ZFP82: variants seen among roughly 807,000 people sequenced by gnomAD.
ZFP82 encodes zinc finger protein 82 homolog.
A neutral mutation model predicts 54.0 loss-of-function variants in ZFP82; 30 were observed. The ratio of observed to expected loss-of-function variants is 0.56; its 90% CI spans 0.42 to 0.75. ZFP82 has a LOEUF of 0.75. ZFP82 is among the 30% of genes least tolerant of loss of function. ZFP82 has a pLI of 0.00. For synonymous variants in ZFP82, 194 were observed against 209.5 expected, an observed-to-expected ratio of 0.93 and a Z score of 0.64; for missense variants, 500 against 636.8, an observed-to-expected ratio of 0.79 and a Z score of 2.31.
At chr19:36,401,883 G>A (rs2032390536) in intron 4 of ZFP82, among the ~76,000 whole-genome samples, 2 of 152,058 alleles carry the variant, frequency 1.3e-5, no homozygotes, top group Admixed American at 1.3e-4. Context: ...GACATGTCTT[G>A]AGCCCTTACT....
chr19:36,385,003 G>A (rs1398499010), downstream of ZFP82, among the ~76,000 whole-genome samples: 1 of 152,136 alleles, frequency 6.6e-6, no homozygotes, highest in East Asian at 1.9e-4. Context: ...CTTTTATTTT[G>A]TGGAAGGTGC....
In ZFP82 at chr19:36,393,077, G is replaced by A. The variant is rs61741561; in HGVS notation, c.1263C>T (p.Pro421=). ...CCTTCCCGCATTCCTTACAGTCATA[G>A]GGCTTAACACCAATATGAATACTCT... ...SHQSIHIGVK[P]YDCKECGKAF... is the part of the protein sequence containing the mutation. Residue 421 remains proline (P), a synonymous_variant, in exon 5 of 5, where the codon CCC becomes CCT. Coordinates refer to ENST00000392161, the MANE Select transcript of ZFP82 (RefSeq NM_133466.4). 944 of 1,614,038 alleles carry A rather than the reference G, an allele frequency of 5.8e-4. 6 individuals are homozygous for A. In the African/African-American group the frequency reaches 0.011, roughly 19 times the overall value.
At chr19:36,405,016 T>C (rs1176791440) in intron 4 of ZFP82, among the ~76,000 whole-genome samples, 1 of 151,848 alleles carries the variant, frequency 6.6e-6, no homozygotes, top group African/African-American at 2.4e-5. Flanking sequence ...AAACCCCGTC[T>C]CTACTAAAAA....
intron 3 of ZFP82, among the ~76,000 whole-genome samples, chr19:36,406,851 CAAT>C (rs2032490292): frequency 6.6e-6 from 1 of 152,044 alleles, no homozygotes; most frequent in Non-Finnish European, 1.5e-5. Flanking sequence ...TTATAGGCTA[CAAT>C]GTGATGTTTT....
chr19:36,402,904 T>C (rs918247280), intron 4 of ZFP82, among the ~76,000 whole-genome samples: 10 of 151,372 alleles, frequency 6.6e-5, no homozygotes, highest in African/African-American at 2.2e-4. Context: ...TTTGGGAGGC[T>C]GAGGCGGGCA....
At chr19:36,413,154 T>C (rs912334687) in intron 1 of ZFP82, among the ~76,000 whole-genome samples, 3 of 152,218 alleles carry the variant, frequency 2.0e-5, no homozygotes, top group Non-Finnish European at 2.9e-5. Flanking sequence ...GGCTCATGCC[T>C]GTAACCAACA....
intron 1 of ZFP82, among the ~76,000 whole-genome samples, chr19:36,415,358 G>C (rs1026364693): frequency 1.3e-5 from 2 of 152,086 alleles, no homozygotes; most frequent in African/African-American, 4.8e-5. Context: ...GTTCTGAATA[G>C]TACTAAATAT....
At chr19:36,405,543 T>G (rs746053165) in intron 4 of ZFP82, 37 bp downstream of exon 4, 1 of 1,502,522 alleles carries the variant, frequency 6.7e-7, no homozygotes, top group Admixed American at 1.7e-5. Flanking sequence ...TGGGGTTCCC[T>G]GTGTTGATGG....
intron 1 of ZFP82, among the ~76,000 whole-genome samples, chr19:36,410,279 T>C (rs2032555243): frequency 6.6e-6 from 1 of 152,166 alleles, no homozygotes; most frequent in African/African-American, 2.4e-5. Flanking sequence ...CCAGTCAGAA[T>C]CAGAATCATC....
chr19:36,411,703 A>C (rs896647704), intron 1 of ZFP82, among the ~76,000 whole-genome samples: 2 of 152,098 alleles, frequency 1.3e-5, no homozygotes, highest in African/African-American at 4.8e-5. Flanking sequence ...GTCTCTACTA[A>C]AAATACAAAA....
chr19:36,410,656 C>A (rs938589385), intron 1 of ZFP82, among the ~76,000 whole-genome samples: 11 of 151,958 alleles, frequency 7.2e-5, no homozygotes, highest in Non-Finnish European at 1.6e-4. Flanking sequence ...GCACGCACCA[C>A]CACGCCTGGC....
In ZFP82 at chr19:36,392,568, T is replaced by C. The variant is rs1236673275; in HGVS notation, c.*173A>G. On this transcript the variant is annotated 3_prime_UTR_variant, in exon 5 of 5. Coordinates refer to ENST00000392161, the MANE Select transcript of ZFP82 (RefSeq NM_133466.4). ...TCATTCTTATAACAGGATTAGTTTT[T>C]AGAACAAATATGCTGAAGTTTCAGG... is the stretch of plus-strand genomic sequence containing the variant. 1 of 570,450 alleles carries C rather than the reference T, an allele frequency of 1.8e-6. No homozygotes were observed. Among genetic ancestry groups the C allele is most frequent in the Non-Finnish European group, 2.9e-6 (1 of 341,378 alleles). The allele number at this position is 570,450 out of a possible 1,614,324, so 35.3% of individuals were successfully genotyped here. A position where few individuals can be genotyped will look rare whatever the true frequency, so the allele number is the denominator to read the frequency against.
Position 36,392,162 on chromosome 19 carries a change from A to T in ZFP82, c.*579T>A, listed in dbSNP as rs1157692337. 1 of 152,594 alleles carries T rather than the reference A, an allele frequency of 6.6e-6. No homozygotes were observed. The highest frequency in any genetic ancestry group is 1.5e-5 in the Non-Finnish European group (1 of 68,052). The allele number at this position is 152,594 out of a possible 1,614,324, so 9.5% of individuals were successfully genotyped here. On this transcript the variant is annotated 3_prime_UTR_variant, in exon 5 of 5. Transcript: ENST00000392161. Reference sequence around the variant, plus strand: ...TGGTATCTTGGTGGATGTCAAGAAGACAGGGTTCAGCAGGTGCCTCTCCCT... The same window carrying T: ...TGGTATCTTGGTGGATGTCAAGAAGTCAGGGTTCAGCAGGTGCCTCTCCCT...
chr19:36,416,697 G>A (rs560255253), intron 1 of ZFP82, among the ~76,000 whole-genome samples: 195 of 149,424 alleles, frequency 1.3e-3, no homozygotes, highest in African/African-American at 4.5e-3. Flanking sequence ...CGGAGGTTGC[G>A]GTGAGCTGGG....
intron 4 of ZFP82, chr19:36,394,451 C>T (rs1285754585): frequency 2.3e-5 from 5 of 212,984 alleles, no homozygotes; most frequent in South Asian, 1.7e-4. Flanking sequence ...ATTTAATATT[C>T]TCTACATGAT....
intron 1 of ZFP82, among the ~76,000 whole-genome samples, chr19:36,411,580 G>C (rs1335692483): frequency 1.3e-5 from 2 of 152,116 alleles, no homozygotes; most frequent in African/African-American, 2.4e-5. Context: ...TATGATCAAA[G>C]GTATGTGTAA....
Position 36,409,843 on chromosome 19 carries a change from A to G in ZFP82, c.-54T>C. 1 of 1,605,038 alleles carries G rather than the reference A, an allele frequency of 6.2e-7. No individual in the cohort carries two copies. The highest frequency in any genetic ancestry group is 8.5e-7 in the Non-Finnish European group (1 of 1,172,168). On this transcript the variant is annotated 5_prime_UTR_variant, in exon 2 of 5. Transcript: ENST00000392161. ...CTCCTTGGGGTTTACTTGCCAGGAGAAGCACCGAGTCCACAGAGGCTGATC... is the reference window on the plus strand; with the variant it reads ...CTCCTTGGGGTTTACTTGCCAGGAGGAGCACCGAGTCCACAGAGGCTGATC...
intron 4 of ZFP82, chr19:36,394,802 G>A (rs2032267653): frequency 6.6e-6 from 1 of 152,028 alleles, no homozygotes; most frequent in Admixed American, 6.6e-5. Context: ...CTAAATCCAT[G>A]TTGCTATTCT....
downstream of ZFP82, among the ~76,000 whole-genome samples, chr19:36,386,614 T>C (rs1178610951): frequency 3.3e-5 from 5 of 151,952 alleles, no homozygotes; most frequent in Non-Finnish European, 7.4e-5. Context: ...GGTCATAGAG[T>C]TAAGGAAGGG....
Sources: gnomAD v4.1 joint callset for allele counts (sites outside exome capture counted in the v4.1 genomes callset) on GRCh38, gnomAD v4.1.1 for gene constraint, MANE v1.5 for transcripts, NCBI Gene and HGNC (gene_info 2026-07-23, HGNC 2026-07-21) for gene names.